The following RIN3 variants were observed in gnomAD, a reference collection of about 807,000 sequenced individuals.
The protein encoded by RIN3 is RAB5 interacting protein 3.
Under a neutral mutation model 76.3 loss-of-function variants are expected in RIN3, and 54 were observed. The observed-to-expected ratio is 0.71, with a 90% CI of 0.57 to 0.89. RIN3 has a LOEUF of 0.89. RIN3 is among the 40% of genes least tolerant of loss of function. RIN3 has a pLI of 0.00. For synonymous variants in RIN3, 576 were observed against 564.0 expected (o/e 1.02, Z -0.30); for missense variants, 1,256 against 1,322.1 (o/e 0.95, Z 0.78).
At chr14:92,558,953 A>G (rs1595414695) in intron 2 of RIN3, among the ~76,000 whole-genome samples, 1 of 131,166 alleles carries the variant, frequency 7.6e-6, no homozygotes, top group Non-Finnish European at 1.5e-5. Context: ...TGCAACCTCC[A>G]CCTCCTGGGT....
chr14:92,659,444 C>T lies in RIN3; in HGVS notation c.2310C>T (p.Tyr770=), dbSNP rs1160553920. 4.3e-6 allele frequency: 7 copies of T among 1,610,316 alleles called. No individual in the cohort carries two copies. Among genetic ancestry groups the T allele is most frequent in the Non-Finnish European group, 5.9e-6 (7 of 1,178,022 alleles). ...SILLKTCKLI[Y]DSMALGNPGK... Reference sequence around the variant, plus strand: ...TGCTCAAGACCTGCAAACTCATCTACGACTCCATGGCCCTCGGCAACCCAG... The same window carrying T: ...TGCTCAAGACCTGCAAACTCATCTATGACTCCATGGCCCTCGGCAACCCAG... Residue 770 remains tyrosine (Y), a synonymous_variant, in exon 7 of 10, where the codon TAC becomes TAT. Transcript: ENST00000216487.
rs80087670 is a variant in RIN3 at position 92,521,212 on chromosome 14, C to A, written c.44+7236C>A. On this transcript the variant is annotated intron_variant, in intron 1 of 9. Transcript: ENST00000216487. Reference sequence around the variant, plus strand: ...ACCTATCCACCCATCGACCTATCCACCCTCCCACGCTTCTATCCATCCATT... The same window carrying A: ...ACCTATCCACCCATCGACCTATCCAACCTCCCACGCTTCTATCCATCCATT... Among the ~76,000 whole-genome samples the A allele has an allele frequency of 1.6e-3, 238 of 151,872 alleles. 3 individuals are homozygous for A. Among genetic ancestry groups the A allele is most frequent in the African/African-American group, 5.5e-3 (226 of 41,310 alleles).
rs200182657 is a variant in RIN3, at chr14:92,577,381, A to G, written c.271A>G (p.Ser91Gly). The G allele has an allele frequency of 3.7e-6, 6 of 1,613,574 alleles. No homozygotes were observed. The highest frequency in any genetic ancestry group is 2.2e-5 in the East Asian group (1 of 44,852). Residue 91 changes from serine (S) to glycine (G), a missense_variant, in exon 3 of 10, where the codon AGC (serine) becomes GGC (glycine). Ser to Gly is a moderately conservative substitution (Grantham distance 56). Around this residue, in one of 3 missense-constraint regions of RIN3, gnomAD observed 610 missense variants for 626.4 expected, o/e 0.97. Transcript: ENST00000216487. ...VAGMFLVRRDSSSKQLVLCVH... is the reference protein window; with the variant it reads ...VAGMFLVRRDGSSKQLVLCVH... ...TCAGATGTTCCTGGTTCGCCGGGAC[A>G]GCAGCTCGAAGCAGCTGGTGCTCTG...
At chr14:92,536,741 A>AG (rs199931072) in intron 1 of RIN3, among the ~76,000 whole-genome samples, 7 of 53,544 alleles carry the variant, frequency 1.3e-4, no homozygotes, top group African/African-American at 1.7e-4. Flanking sequence ...ACTCCGTCTC[A>AG]GAAAAAAAAA....
At chr14:92,519,558 G>C (rs1430550134) in intron 1 of RIN3, among the ~76,000 whole-genome samples, 3 of 152,190 alleles carry the variant, frequency 2.0e-5, no homozygotes, top group Admixed American at 2.0e-4. Flanking sequence ...GCTGTTTAGA[G>C]ACCGTCTGTG....
chr14:92,619,811 A>G (rs923691718), intron 4 of RIN3, among the ~76,000 whole-genome samples: 1 of 152,226 alleles, frequency 6.6e-6, no homozygotes, highest in African/African-American at 2.4e-5. Flanking sequence ...GACTGTTTCC[A>G]GCATAGCTAG....
chr14:92,539,921 G>C (rs1414105216), intron 1 of RIN3, among the ~76,000 whole-genome samples: 3 of 152,156 alleles, frequency 2.0e-5, no homozygotes, highest in African/African-American at 7.2e-5. Context: ...GGCGTGGTGG[G>C]AGCCACCACC....
intron 2 of RIN3, among the ~76,000 whole-genome samples, chr14:92,556,673 G>C (rs1455830276): frequency 6.6e-6 from 1 of 152,162 alleles, no homozygotes; most frequent in Non-Finnish European, 1.5e-5. Flanking sequence ...CTCATCATAT[G>C]TTCCTTTCAC....
intron 3 of RIN3, among the ~76,000 whole-genome samples, chr14:92,596,831 T>G (rs921983506): frequency 5.3e-5 from 8 of 152,176 alleles, no homozygotes. Flanking sequence ...TCGTAACAAC[T>G]GAGTGGAGGT....
At chr14:92,620,640 G>A (rs1886141805) in intron 4 of RIN3, among the ~76,000 whole-genome samples, 4 of 152,066 alleles carry the variant, frequency 2.6e-5, no homozygotes, top group Admixed American at 2.0e-4. Context: ...GGATACACAA[G>A]CAAAGCCAGA....
chr14:92,660,563 A>G (rs1287303164), intron 7 of RIN3, among the ~76,000 whole-genome samples: 1 of 152,236 alleles, frequency 6.6e-6, no homozygotes, highest in Non-Finnish European at 1.5e-5. Flanking sequence ...GCATGTGTCC[A>G]TGGCAGTAGC....
At chr14:92,619,722 G>A (rs779086878) in intron 4 of RIN3, among the ~76,000 whole-genome samples, 1 of 152,048 alleles carries the variant, frequency 6.6e-6, no homozygotes, top group Non-Finnish European at 1.5e-5. Context: ...CACCACGCCC[G>A]GCCTCTAGTA....
chr14:92,535,693 T>A (rs1414496740), intron 1 of RIN3, among the ~76,000 whole-genome samples: 2 of 91,780 alleles, frequency 2.2e-5, no homozygotes, highest in East Asian at 3.4e-4. Flanking sequence ...TTTTTTTTTT[T>A]AGACAGAGTC....
chr14:92,535,174 C>T (rs551254817), intron 1 of RIN3, among the ~76,000 whole-genome samples: 34 of 152,280 alleles, frequency 2.2e-4, no homozygotes, highest in Admixed American at 1.3e-3. Context: ...CAGTAAGAAG[C>T]GCCAGGTCAA....
At chr14:92,540,568 C>T (rs573148426) in intron 1 of RIN3, among the ~76,000 whole-genome samples, 1 of 152,322 alleles carries the variant, frequency 6.6e-6, no homozygotes, top group African/African-American at 2.4e-5. Context: ...TCTCTTCCAT[C>T]CCCACGGGAC....
chr14:92,520,801 A>G (rs1896577526), intron 1 of RIN3, among the ~76,000 whole-genome samples: 1 of 152,198 alleles, frequency 6.6e-6, no homozygotes, highest in African/African-American at 2.4e-5. Flanking sequence ...AGCTGTCAAG[A>G]AAGAGTCACC....
In RIN3 at chr14:92,568,744, G is replaced by A. The variant is rs1333571838; in HGVS notation, c.250-8616G>A. Among the ~76,000 whole-genome samples the A allele has an allele frequency of 6.6e-6, 1 of 152,230 alleles. No homozygotes were observed. The highest frequency in any genetic ancestry group is 1.5e-5 in the Non-Finnish European group (1 of 68,034). ...ACAGCCTCCAGCCTCCTCTGCCCCA[G>A]GCCAGCGCCTTATCATGGTTTTTAG... is the stretch of plus-strand genomic sequence containing the variant. On this transcript the variant is annotated intron_variant, in intron 2 of 9. Coordinates refer to ENST00000216487, the MANE Select transcript of RIN3 (RefSeq NM_024832.5). The surrounding 1 kb of genome is among the most constrained non-coding windows in gnomAD (Gnocchi z 4.2).
chr14:92,676,611 G>A lies in RIN3; in HGVS notation c.2467+5G>A. 2 of 1,612,374 alleles carry A rather than the reference G, an allele frequency of 1.2e-6. No homozygotes were observed. The highest frequency in any genetic ancestry group is 2.7e-5 in the African/African-American group (2 of 75,006). ...CCGCCCTGCAGCTGGGGGAGGGTGA[G>A]TCACCACCCCCTGCCCATCAGGTGC... is the stretch of plus-strand genomic sequence containing the variant. On this transcript the variant is annotated splice_donor_5th_base_variant and intron_variant, in intron 8 of 9. Coordinates refer to ENST00000216487, the MANE Select transcript of RIN3 (RefSeq NM_024832.5).
chr14:92,534,570 A>G (rs1896952887), intron 1 of RIN3, among the ~76,000 whole-genome samples: 1 of 147,670 alleles, frequency 6.8e-6, no homozygotes, highest in Non-Finnish European at 1.5e-5. Context: ...CCTGGGTGAC[A>G]GAGTGAGACT....
Sources: allele counts gnomAD v4.1 joint callset (sites outside exome capture counted in the v4.1 genomes callset), GRCh38; gene constraint gnomAD v4.1.1; regional missense constraint gnomAD v4.1.1; non-coding constraint Gnocchi (gnomAD v3.1); transcripts MANE v1.5; gene names NCBI Gene and HGNC (gene_info 2026-07-23, HGNC 2026-07-21).